The following IQSEC3 variants were observed in gnomAD, a reference collection of about 807,000 sequenced individuals.
The protein encoded by IQSEC3 is IQ motif and Sec7 domain ArfGEF 3.
A neutral mutation model predicts 105.4 loss-of-function variants in IQSEC3; 50 were observed. The observed-to-expected ratio is 0.47, with a 90% CI of 0.38 to 0.60. The LOEUF is 0.60. IQSEC3 is among the 20% of genes least tolerant of loss of function. IQSEC3 has a pLI of 0.00. For synonymous variants in IQSEC3, 708 were observed against 746.0 expected (o/e 0.95, Z 0.83); for missense variants, 1,415 against 1,630.0 (o/e 0.87, Z 2.27).
intron 5 of IQSEC3, among the ~76,000 whole-genome samples, chr12:154,091 CTTCGAGGCCCACGAGGGGTGTA>C (rs1420595681): frequency 6.6e-6 from 1 of 152,202 alleles, no homozygotes; most frequent in Non-Finnish European, 1.5e-5. Flanking sequence ...GCCCTCCCCG[CTTCGAGGCCCACGAGGGGTGTA>C]TTCAACTCCC....
chr12:125,031 A>G (rs1865339541), intron 2 of IQSEC3, among the ~76,000 whole-genome samples: 2 of 152,262 alleles, frequency 1.3e-5, no homozygotes, highest in East Asian at 1.9e-4. Flanking sequence ...GCTTATGCCC[A>G]AGCCAGGCCA....
chr12:103,033 G>A (rs2133685), intron 2 of IQSEC3, among the ~76,000 whole-genome samples: 49,328 of 151,946 alleles, frequency 0.32, 8,516 homozygotes, highest in Non-Finnish European at 0.38. Flanking sequence ...CAGCAACTGC[G>A]TGCCAGGCTC....
intron 9 of IQSEC3, 95 bp from the exon 10 acceptor site, chr12:165,339 G>A: frequency 1.1e-6 from 1 of 871,638 alleles, no homozygotes; most frequent in Non-Finnish European, 1.9e-6. Context: ...TCACTGCGTG[G>A]GTTTGTGTGA....
intron 13 of IQSEC3, chr12:171,403 C>A: frequency 7.5e-7 from 1 of 1,341,556 alleles, no homozygotes; most frequent in Non-Finnish European, 1.1e-6. Flanking sequence ...CCTCCGAGGC[C>A]GAGCTCCCAG....
intron 2 of IQSEC3, among the ~76,000 whole-genome samples, chr12:103,907 A>T (rs111281336): frequency 4.1e-4 from 17 of 41,402 alleles, no homozygotes; most frequent in East Asian, 7.5e-4. Flanking sequence ...GGCGGGGCTC[A>T]GGAGGGGGAA....
intron 13 of IQSEC3, among the ~76,000 whole-genome samples, chr12:172,736 ATTCT>A: frequency 6.6e-6 from 1 of 152,148 alleles, no homozygotes; most frequent in African/African-American, 2.4e-5. Context: ...CACTCCCCTC[ATTCT>A]TTCTTTCATG....
At chr12:90,799 C>T (rs1433014921) in intron 1 of IQSEC3, among the ~76,000 whole-genome samples, 1 of 152,098 alleles carries the variant, frequency 6.6e-6, no homozygotes, top group Non-Finnish European at 1.5e-5. Context: ...TGGCTATCCC[C>T]TCCTCCTCCT....
rs1555087326 is a variant in IQSEC3, at chr12:138,521, C to T, written c.1158C>T (p.Ser386=). 6.3e-7 allele frequency: 1 copy of T among 1,579,554 alleles called. No homozygotes were observed. The highest frequency in any genetic ancestry group is 1.3e-5 in the African/African-American group (1 of 74,376). The change falls in exon 4 of 14, where the codon TCC becomes TCT. Residue 386 remains serine (S), a synonymous_variant. Transcript: ENST00000538872. The surrounding 1 kb of genome is among the most constrained non-coding windows in gnomAD (Gnocchi z 7.1). ...LVGLPLVRSP[S]LPPTFAGTLT... ...GGCTGCCGCTGGTGCGCTCGCCCTC[C>T]CTGCCGCCCACCTTCGCAGGCACCC...
intron 1 of IQSEC3, among the ~76,000 whole-genome samples, chr12:88,631 A>G (rs1388438826): frequency 1.3e-5 from 2 of 152,168 alleles, no homozygotes; most frequent in East Asian, 1.9e-4. Flanking sequence ...CAACAGGCCA[A>G]TGTTTTCTAC....
intron 13 of IQSEC3, among the ~76,000 whole-genome samples, chr12:173,561 G>T (rs975989537): frequency 3.9e-5 from 6 of 152,172 alleles, no homozygotes; most frequent in African/African-American, 1.4e-4. Flanking sequence ...CTTTCCCTCT[G>T]TGCTCTGAGC....
intron 2 of IQSEC3, among the ~76,000 whole-genome samples, chr12:105,299 A>T (rs573949965): frequency 6.6e-6 from 1 of 152,362 alleles, no homozygotes; most frequent in South Asian, 2.1e-4. Context: ...AGCCCCCTGC[A>T]GTGGCGGGAG....
intron 1 of IQSEC3, among the ~76,000 whole-genome samples, chr12:96,699 A>G (rs1370417120): frequency 1.3e-5 from 2 of 152,110 alleles, no homozygotes; most frequent in Non-Finnish European, 2.9e-5. Flanking sequence ...AGACTGTTTT[A>G]ATGTTTTTTG....
intron 3 of IQSEC3, among the ~76,000 whole-genome samples, chr12:129,680 G>A (rs1162833668): frequency 6.6e-6 from 1 of 152,152 alleles, no homozygotes; most frequent in Non-Finnish European, 1.5e-5. Flanking sequence ...CAGAGCGACT[G>A]GAGCCCTTCT....
chr12:73,083 TAAATAAATAAATAAAA>T (rs1235946968), intron 1 of IQSEC3, among the ~76,000 whole-genome samples: 72 of 123,968 alleles, frequency 5.8e-4, no homozygotes, highest in East Asian at 4.9e-3. Flanking sequence ...AATAAATAAA[TAAATAAATAAATAAAA>T]AAGGGAATCA....
chr12:137,983 C>A (rs377226695), intron 3 of IQSEC3, among the ~76,000 whole-genome samples: 5 of 152,106 alleles, frequency 3.3e-5, no homozygotes, highest in Non-Finnish European at 5.9e-5. Context: ...TTGTAATACC[C>A]GCCACAGCAT....
At position 168,018 on chromosome 12, in the gene IQSEC3, A is replaced by G. The variant is rs538887506; in HGVS notation, c.2972-995A>G. Among the ~76,000 whole-genome samples the G allele has an allele frequency of 8.5e-5, 13 of 152,372 alleles. No homozygotes were observed. In the South Asian group the frequency reaches 2.7e-3, roughly 32 times the overall value. ...ATGGGATGGTGTGATTTAGGCAACC[A>G]GGACAAATTGTTCTGGTTTGGGGGC... On this transcript the variant is annotated intron_variant, in intron 11 of 13. Transcript: ENST00000538872.
At chr12:168,918 C>T in intron 11 of IQSEC3, 95 bp from the exon 12 acceptor site, 1 of 1,045,052 alleles carries the variant, frequency 9.6e-7, no homozygotes, top group Middle Eastern at 2.0e-4. Context: ...CTCTCCTCCT[C>T]TTCCTCCCCT....
chr12:139,168 C>G lies in IQSEC3; in HGVS notation c.1805C>G (p.Thr602Arg). 1 of 1,573,890 alleles carries G rather than the reference C, an allele frequency of 6.4e-7. No individual in the cohort carries two copies. Among genetic ancestry groups the G allele is most frequent in the Non-Finnish European group, 8.6e-7 (1 of 1,161,800 alleles). ...TTGGAGCAGCTGAGCAGCAGCAGCACGTCCACCAAGTCCGCCAAGTCAGGC... is the reference window on the plus strand; with the variant it reads ...TTGGAGCAGCTGAGCAGCAGCAGCAGGTCCACCAAGTCCGCCAAGTCAGGC... The part of the protein sequence containing the change: ...GDLEQLSSSS[T>R]STKSAKSGSE... The change falls in exon 4 of 14, where the codon ACG (threonine) becomes AGG (arginine). Residue 602 changes from threonine (T) to arginine (R), a missense_variant. This residue lies in a region of IQSEC3 where 720 missense variants were observed against 633.0 expected (regional missense o/e 1.14). Coordinates refer to ENST00000538872, the MANE Select transcript of IQSEC3 (RefSeq NM_001170738.2).
At chr12:136,045 A>T (rs994115842) in intron 3 of IQSEC3, among the ~76,000 whole-genome samples, 3 of 152,264 alleles carry the variant, frequency 2.0e-5, no homozygotes, top group Admixed American at 2.0e-4. Context: ...GGTGTGGTTT[A>T]GAGCACCTTG....
Sources: gnomAD v4.1 joint callset for allele counts (sites outside exome capture counted in the v4.1 genomes callset) on GRCh38, gnomAD v4.1.1 for gene constraint, gnomAD v4.1.1 regional missense constraint, Gnocchi (gnomAD v3.1) non-coding constraint, MANE v1.5 for transcripts, NCBI Gene and HGNC (gene_info 2026-07-23, HGNC 2026-07-21) for gene names.